PRKG1: variants seen among roughly 807,000 people sequenced by gnomAD.
The protein encoded by PRKG1 is protein kinase cGMP-dependent 1.
Under a neutral mutation model 88.1 loss-of-function variants are expected in PRKG1, and 35 were observed. The ratio of observed to expected loss-of-function variants is 0.40; its 90% CI spans 0.30 to 0.53. PRKG1 has a LOEUF of 0.53. PRKG1 is among the 20% of genes least tolerant of loss of function. PRKG1 has a pLI of 0.59. For missense variants in PRKG1, 540 were observed against 839.8 expected (o/e 0.64, Z 4.41); for synonymous variants, 303 against 292.5 (o/e 1.04, Z -0.37).
intron 3 of PRKG1, among the ~76,000 whole-genome samples, chr10:51,670,723 G>A (rs1840543085): frequency 1.4e-5 from 2 of 146,068 alleles, no homozygotes; most frequent in South Asian, 2.1e-4. Flanking sequence ...GCGACAGAGC[G>A]AGACTCCGTC....
intron 2 of PRKG1, among the ~76,000 whole-genome samples, chr10:51,463,919 C>G (rs1033383891): frequency 2.1e-4 from 32 of 152,122 alleles, no homozygotes; most frequent in African/African-American, 7.7e-4. Flanking sequence ...CTCCAGGTAA[C>G]AAAGTACAGA....
At chr10:51,213,779 T>C (rs1164730836) in intron 2 of PRKG1, among the ~76,000 whole-genome samples, 1 of 152,162 alleles carries the variant, frequency 6.6e-6, no homozygotes, top group Non-Finnish European at 1.5e-5. Context: ...TGTGTGTTTA[T>C]GTGTGTGTGC....
At chr10:51,219,675 A>G (rs1364401593) in intron 2 of PRKG1, among the ~76,000 whole-genome samples, 4 of 151,990 alleles carry the variant, frequency 2.6e-5, no homozygotes, top group African/African-American at 9.7e-5. Flanking sequence ...ACACCACTGC[A>G]CTAAAGCCTG....
intron 7 of PRKG1, among the ~76,000 whole-genome samples, chr10:52,105,597 T>C (rs1404884686): frequency 6.6e-6 from 1 of 151,868 alleles, no homozygotes; most frequent in Non-Finnish European, 1.5e-5. Flanking sequence ...CTTTTATTTA[T>C]TTTTTTTCAA....
intron 9 of PRKG1, chr10:52,230,769 T>A (rs1840501524): frequency 6.6e-6 from 1 of 152,204 alleles, no homozygotes; most frequent in South Asian, 2.1e-4. Context: ...TCCTTGACCC[T>A]ATCAAAAGAT....
At chr10:52,033,961 G>A (rs573512694) in intron 5 of PRKG1, among the ~76,000 whole-genome samples, 9 of 114,996 alleles carry the variant, frequency 7.8e-5, no homozygotes, top group East Asian at 6.1e-4. Context: ...AGTGGGGGTC[G>A]CAAGGTGCTC....
chr10:51,684,184 A>C (rs893233603), intron 3 of PRKG1, among the ~76,000 whole-genome samples: 1 of 152,214 alleles, frequency 6.6e-6, no homozygotes. Flanking sequence ...CTAATTGACA[A>C]TAATGCTACA....
At chr10:51,004,326 G>A (rs750710189) in intron 1 of PRKG1, among the ~76,000 whole-genome samples, 36 of 152,238 alleles carry the variant, frequency 2.4e-4, no homozygotes, top group East Asian at 9.7e-4. Flanking sequence ...ATCCGGACGT[G>A]GTGGTGCCTG....
intron 3 of PRKG1, among the ~76,000 whole-genome samples, chr10:51,608,347 G>T (rs946726965): frequency 1.3e-5 from 2 of 152,166 alleles, no homozygotes; most frequent in African/African-American, 4.8e-5. Context: ...AGTTTTTATG[G>T]GTTTTGGAGT....
chr10:51,008,273 C>T (rs750013687), intron 1 of PRKG1, among the ~76,000 whole-genome samples: 2 of 152,170 alleles, frequency 1.3e-5, no homozygotes, highest in Non-Finnish European at 2.9e-5. Flanking sequence ...TGCTATAACT[C>T]CTTGAGAAGT....
chr10:51,430,338 T>C (rs1838726129), intron 2 of PRKG1, among the ~76,000 whole-genome samples: 1 of 152,114 alleles, frequency 6.6e-6, no homozygotes, highest in South Asian at 2.1e-4. Context: ...GGAGGATTAC[T>C]TGAGCCCAGG....
intron 10 of PRKG1, among the ~76,000 whole-genome samples, chr10:52,263,841 C>T (rs756707182): frequency 2.6e-5 from 4 of 152,002 alleles, no homozygotes; most frequent in Admixed American, 6.6e-5. Context: ...AAAGTGCTGG[C>T]ATTACAGGTG....
chr10:51,038,650 A>G lies in PRKG1; in HGVS notation c.266+47006A>G, dbSNP rs566985839. 5.3e-5 allele frequency among the ~76,000 whole-genome samples: 8 copies of G among 152,308 alleles called. No homozygotes were observed. The East Asian group carries it at 1.5e-3, about 29-fold the overall frequency. ...CTCCAGTTCTATCCATGTTCTTGCA[A>G]ATGACTGGATCTTGCTCTTTTTTAT... On this transcript the variant is annotated intron_variant, in intron 1 of 17. Transcript: ENST00000401604.
intron 3 of PRKG1, among the ~76,000 whole-genome samples, chr10:51,655,645 G>A (rs961447450): frequency 1.3e-5 from 2 of 151,924 alleles, no homozygotes; most frequent in Non-Finnish European, 2.9e-5. Flanking sequence ...TTTTAAAAGT[G>A]GGAATCTATT....
chr10:52,046,362 T>G (rs1386894816), intron 5 of PRKG1, among the ~76,000 whole-genome samples: 2 of 152,138 alleles, frequency 1.3e-5, no homozygotes, highest in Non-Finnish European at 2.9e-5. Context: ...TCTCTACACA[T>G]GGAAAGCCCT....
At chr10:52,139,116 AT>A (rs1290037326) in intron 8 of PRKG1, among the ~76,000 whole-genome samples, 2 of 152,088 alleles carry the variant, frequency 1.3e-5, no homozygotes, top group African/African-American at 2.4e-5. Flanking sequence ...AGACTAGGCA[AT>A]TTTTATATTT....
intron 3 of PRKG1, among the ~76,000 whole-genome samples, chr10:51,484,837 T>C (rs1840482282): frequency 7.3e-6 from 1 of 136,564 alleles, no homozygotes; most frequent in African/African-American, 2.5e-5. Flanking sequence ...AGCTTTTTCC[T>C]TCTTAGAAAT....
intron 1 of PRKG1, among the ~76,000 whole-genome samples, chr10:51,135,470 A>C (rs2131944361): frequency 6.6e-6 from 1 of 152,304 alleles, no homozygotes; most frequent in East Asian, 1.9e-4. Flanking sequence ...CAGAAGTTTT[A>C]AGAAGGGGTG....
intron 1 of PRKG1, among the ~76,000 whole-genome samples, chr10:51,063,525 A>T: frequency 6.6e-6 from 1 of 152,210 alleles, no homozygotes; most frequent in East Asian, 1.9e-4. Flanking sequence ...AAGATAAAAA[A>T]GGTACAACTA....
Sources: allele counts gnomAD v4.1 joint callset (sites outside exome capture counted in the v4.1 genomes callset), GRCh38; gene constraint gnomAD v4.1.1; transcripts MANE v1.5; gene names NCBI Gene and HGNC (gene_info 2026-07-23, HGNC 2026-07-21).